ZNF385B: variants seen among roughly 807,000 people sequenced by gnomAD.
ZNF385B encodes zinc finger protein 533.
Under a neutral mutation model 39.2 loss-of-function variants are expected in ZNF385B, and 23 were observed. That is an observed-to-expected ratio of 0.59 (90% confidence interval 0.42 to 0.83). The LOEUF (loss-of-function observed/expected upper bound fraction) is 0.83. Among genes scored for constraint, ZNF385B ranks in the 40% least tolerant of loss-of-function variants. The pLI, the probability that ZNF385B is intolerant of heterozygous loss-of-function variation, is 0.00. For missense variants in ZNF385B, 552 were observed against 598.9 expected (o/e 0.92, Z 0.82); for synonymous variants, 205 against 222.6 (o/e 0.92, Z 0.70).
intron 3 of ZNF385B, among the ~76,000 whole-genome samples, chr2:179,545,863 T>A (rs1300408573): frequency 1.3e-5 from 2 of 152,080 alleles, no homozygotes; most frequent in African/African-American, 4.8e-5. Context: ...GAAGTATCCA[T>A]CCCCTCAAGC....
chr2:179,773,254 A>G (rs1704117714), intron 1 of ZNF385B, among the ~76,000 whole-genome samples: 1 of 152,212 alleles, frequency 6.6e-6, no homozygotes, highest in Non-Finnish European at 1.5e-5. Context: ...TTGACTCAAG[A>G]GTGGCCACAT....
At chr2:179,527,528 A>T (rs1322726122) in intron 4 of ZNF385B, among the ~76,000 whole-genome samples, 1 of 147,838 alleles carries the variant, frequency 6.8e-6, no homozygotes, top group Non-Finnish European at 1.5e-5. Context: ...TTTTCTGGTC[A>T]TTTTTTTTTT....
At chr2:179,587,129 C>T (rs1687153856) in intron 3 of ZNF385B, among the ~76,000 whole-genome samples, 1 of 151,622 alleles carries the variant, frequency 6.6e-6, no homozygotes, top group African/African-American at 2.4e-5. Context: ...TTGACCTTAC[C>T]AATTAGCACT....
intron 3 of ZNF385B, among the ~76,000 whole-genome samples, chr2:179,674,825 A>T (rs993483112): frequency 6.6e-6 from 1 of 152,240 alleles, no homozygotes; most frequent in Non-Finnish European, 1.5e-5. Context: ...ATAGAGGGAC[A>T]GGGCTCACAG....
intron 3 of ZNF385B, among the ~76,000 whole-genome samples, chr2:179,588,194 T>C (rs1450075251): frequency 1.3e-5 from 2 of 152,104 alleles, no homozygotes; most frequent in Non-Finnish European, 2.9e-5. Context: ...GTTCACGCCA[T>C]TCTCCTGCCT....
At position 179,679,326 on chromosome 2, in the gene ZNF385B, C is replaced by T. The variant is rs118137129; in HGVS notation, c.298+90177G>A. ...CTCTATGATGTTCCCACTGCAAAAT[C>T]GCCTAATGACATATTTCACAGAATG... On this transcript the variant is annotated intron_variant, in intron 3 of 9. Coordinates refer to ENST00000410066, the MANE Select transcript of ZNF385B (RefSeq NM_152520.6). 6.6e-5 allele frequency among the ~76,000 whole-genome samples: 10 copies of T among 152,290 alleles called. No individual in the cohort carries two copies. In the East Asian group the frequency reaches 1.9e-3, roughly 29 times the overall value.
At chr2:179,535,416 T>C (rs1345666439) in intron 4 of ZNF385B, among the ~76,000 whole-genome samples, 1 of 152,230 alleles carries the variant, frequency 6.6e-6, no homozygotes, top group Non-Finnish European at 1.5e-5. Context: ...AGATATAGTA[T>C]GGTGGAGACC....
At chr2:179,510,407 G>A (rs1171654283) in intron 5 of ZNF385B, among the ~76,000 whole-genome samples, 1 of 152,052 alleles carries the variant, frequency 6.6e-6, no homozygotes, top group Admixed American at 6.6e-5. Flanking sequence ...GTTTATATAT[G>A]TGAATATACA....
chr2:179,736,375 C>A (rs1460762463), intron 3 of ZNF385B, among the ~76,000 whole-genome samples: 1 of 151,986 alleles, frequency 6.6e-6, no homozygotes, highest in Non-Finnish European at 1.5e-5. Flanking sequence ...CAAATCAAAG[C>A]ACAAACTTTA....
chr2:179,771,488 T>G (rs933010023), intron 1 of ZNF385B, among the ~76,000 whole-genome samples: 5 of 151,962 alleles, frequency 3.3e-5, no homozygotes, highest in African/African-American at 1.2e-4. Context: ...ATACACAAAA[T>G]TTTCCAAGTC....
rs17748453 is a variant in ZNF385B, at chr2:179,528,504, A to T, written c.442-9866T>A. Among the ~76,000 whole-genome samples the T allele has an allele frequency of 3.3e-5, 5 of 152,298 alleles. No individual in the cohort carries two copies. In the East Asian group the frequency reaches 7.7e-4, roughly 24 times the overall value. ...TAAGAGCTAACAGTTTTGTGTGAGG[A>T]TATTACAACAAAATAATGTTTTTCA... On this transcript the variant is annotated intron_variant, in intron 4 of 9. Transcript: ENST00000410066.
At chr2:179,811,243 G>T (rs1236195944) in intron 1 of ZNF385B, among the ~76,000 whole-genome samples, 1 of 151,988 alleles carries the variant, frequency 6.6e-6, no homozygotes, top group Non-Finnish European at 1.5e-5. Flanking sequence ...AAAACAATCT[G>T]CAGAGTCAAC....
intron 3 of ZNF385B, among the ~76,000 whole-genome samples, chr2:179,623,445 A>C (rs1354854931): frequency 6.6e-6 from 1 of 152,084 alleles, no homozygotes; most frequent in Non-Finnish European, 1.5e-5. Context: ...CATGACTTAG[A>C]CTCAGCTGAT....
chr2:179,784,456 T>A (rs1036423558), intron 1 of ZNF385B, among the ~76,000 whole-genome samples: 1 of 151,758 alleles, frequency 6.6e-6, no homozygotes, highest in East Asian at 1.9e-4. Flanking sequence ...ACATGTACCC[T>A]CGAACCCAAA....
At chr2:179,681,227 T>C (rs897756724) in intron 3 of ZNF385B, among the ~76,000 whole-genome samples, 11 of 152,140 alleles carry the variant, frequency 7.2e-5, no homozygotes, top group African/African-American at 2.7e-4. Flanking sequence ...TTTCCATTTA[T>C]TTTTATTTTT....
intron 1 of ZNF385B, among the ~76,000 whole-genome samples, chr2:179,810,194 TA>T (rs1051943549): frequency 6.6e-4 from 100 of 151,780 alleles, no homozygotes; most frequent in African/African-American, 2.3e-3. Flanking sequence ...GAAGAGCTTT[TA>T]AAAAAAATTT....
chr2:179,556,324 T>A (rs1366433189), intron 3 of ZNF385B, among the ~76,000 whole-genome samples: 3 of 149,856 alleles, frequency 2.0e-5, no homozygotes, highest in Admixed American at 6.6e-5. Flanking sequence ...AATTTAAGAA[T>A]TTAAATAAAT....
intron 6 of ZNF385B, among the ~76,000 whole-genome samples, chr2:179,471,649 G>C (rs938052573): frequency 6.6e-6 from 1 of 152,104 alleles, no homozygotes; most frequent in Non-Finnish European, 1.5e-5. Flanking sequence ...GTAGATATTA[G>C]ACCCACTGAT....
At chr2:179,513,237 A>G (rs1207530152) in intron 5 of ZNF385B, among the ~76,000 whole-genome samples, 1 of 152,224 alleles carries the variant, frequency 6.6e-6, no homozygotes, top group Admixed American at 6.5e-5. Flanking sequence ...ACTCCCCCCC[A>G]AATAAAAAAT....
Sources: allele counts gnomAD v4.1 joint callset (sites outside exome capture counted in the v4.1 genomes callset), GRCh38; gene constraint gnomAD v4.1.1; transcripts MANE v1.5; gene names NCBI Gene and HGNC (gene_info 2026-07-23, HGNC 2026-07-21).